Variants in DOCK3 observed in about 807,000 individuals in gnomAD.
The protein encoded by DOCK3 is dedicator of cytokinesis protein 3.
DOCK3 carries 60 observed loss-of-function variants against 265.6 expected under a neutral mutation model. The ratio of observed to expected loss-of-function variants is 0.23; its 90% CI spans 0.18 to 0.28. The LOEUF (loss-of-function observed/expected upper bound fraction) is 0.28, where lower values mean the gene tolerates loss of function less well. Among genes scored for constraint, DOCK3 ranks in the 10% least tolerant of loss-of-function variants. DOCK3 has a pLI of 1.00. For missense variants in DOCK3, 1,981 were observed against 2,594.3 expected (o/e 0.76, Z 5.14); for synonymous variants, 881 against 938.0 (o/e 0.94, Z 1.11).
At chr3:50,870,930 ATTGT>A (rs1243097987) in intron 3 of DOCK3, among the ~76,000 whole-genome samples, 1 of 151,714 alleles carries the variant, frequency 6.6e-6, no homozygotes, top group Non-Finnish European at 1.5e-5. Flanking sequence ...TCAACTTTTT[ATTGT>A]TTCTTTTTAT....
At chr3:50,729,939 C>T (rs2038089624) in intron 1 of DOCK3, among the ~76,000 whole-genome samples, 1 of 151,486 alleles carries the variant, frequency 6.6e-6, no homozygotes, top group South Asian at 2.1e-4. Context: ...CTGCCTCAGC[C>T]TCCCGACTAG....
intron 9 of DOCK3, among the ~76,000 whole-genome samples, chr3:51,110,451 A>G (rs2083467493): frequency 6.6e-6 from 1 of 152,138 alleles, no homozygotes; most frequent in Non-Finnish European, 1.5e-5. Context: ...ATACTAGCAA[A>G]CCAAATCCAA....
intron 5 of DOCK3, among the ~76,000 whole-genome samples, chr3:50,997,902 T>C (rs538208548): frequency 1.3e-5 from 2 of 152,346 alleles, no homozygotes; most frequent in African/African-American, 4.8e-5. Flanking sequence ...GAAAGAGCTT[T>C]TTTATTTTCT....
At chr3:51,079,853 T>A (rs936065917) in intron 7 of DOCK3, among the ~76,000 whole-genome samples, 3 of 152,212 alleles carry the variant, frequency 2.0e-5, no homozygotes, top group African/African-American at 7.2e-5. Flanking sequence ...AATTACATAA[T>A]ATGAGAGTTT....
chr3:51,071,788 C>G (rs569658398), intron 6 of DOCK3, among the ~76,000 whole-genome samples: 12 of 152,266 alleles, frequency 7.9e-5, no homozygotes, highest in African/African-American at 2.6e-4. Flanking sequence ...TCGATGTTCA[C>G]TATTCTTCGA....
At chr3:50,855,583 A>T (rs1286094358) in intron 3 of DOCK3, among the ~76,000 whole-genome samples, 1 of 152,190 alleles carries the variant, frequency 6.6e-6, no homozygotes, top group East Asian at 1.9e-4. Flanking sequence ...AGAATATTTT[A>T]GGGATAGGGT....
intron 3 of DOCK3, among the ~76,000 whole-genome samples, chr3:50,876,085 C>T (rs1376326920): frequency 6.6e-6 from 1 of 151,976 alleles, no homozygotes; most frequent in Non-Finnish European, 1.5e-5. Context: ...CAAGTATTTC[C>T]AGTCTGTTTC....
chr3:50,783,816 G>C (rs2042044646), intron 2 of DOCK3, among the ~76,000 whole-genome samples: 1 of 150,478 alleles, frequency 6.6e-6, no homozygotes, highest in South Asian at 2.1e-4. Context: ...TTACCTTGTA[G>C]AATTTTTATG....
At chr3:50,907,433 G>A (rs1026561818) in intron 4 of DOCK3, among the ~76,000 whole-genome samples, 1 of 152,074 alleles carries the variant, frequency 6.6e-6, no homozygotes, top group Non-Finnish European at 1.5e-5. Flanking sequence ...GAATCTGGTT[G>A]CTCCTGTATT....
intron 49 of DOCK3, among the ~76,000 whole-genome samples, chr3:51,367,683 C>G (rs966556969): frequency 1.3e-5 from 2 of 152,138 alleles, no homozygotes; most frequent in Admixed American, 6.5e-5. Context: ...TAAGGTAGGC[C>G]TGGTGGTGAC....
At chr3:51,149,685 G>A (rs2085482389) in intron 10 of DOCK3, among the ~76,000 whole-genome samples, 1 of 152,192 alleles carries the variant, frequency 6.6e-6, no homozygotes, top group Admixed American at 6.5e-5. Context: ...TCCCAGGGAT[G>A]AAGCCAACTT....
intron 4 of DOCK3, among the ~76,000 whole-genome samples, chr3:50,906,105 G>A (rs2049481131): frequency 6.6e-6 from 1 of 152,068 alleles, no homozygotes; most frequent in Admixed American, 6.6e-5. Context: ...GCATCCCAGA[G>A]ATAAAGCCCA....
At chr3:51,032,537 A>G (rs942991148) in intron 5 of DOCK3, among the ~76,000 whole-genome samples, 1 of 151,904 alleles carries the variant, frequency 6.6e-6, no homozygotes, top group Non-Finnish European at 1.5e-5. Flanking sequence ...TCTTCCAACT[A>G]TTTTCAATCT....
chr3:51,195,538 C>G (rs936902326), intron 12 of DOCK3, among the ~76,000 whole-genome samples: 14 of 152,202 alleles, frequency 9.2e-5, no homozygotes, highest in Non-Finnish European at 1.9e-4. Flanking sequence ...CCACAGCCTC[C>G]CAAGTAGCTG....
At chr3:50,854,592 G>GTTTTTTTTTTTGTT (rs2046497625) in intron 3 of DOCK3, among the ~76,000 whole-genome samples, 2 of 47,214 alleles carry the variant, frequency 4.2e-5, no homozygotes, top group Non-Finnish European at 7.1e-5. Flanking sequence ...CATCACACCA[G>GTTTTTTTTTTTGTT]TTTTTTTTTT....
chr3:50,972,701 T>G (rs1005246321), intron 5 of DOCK3, among the ~76,000 whole-genome samples: 1 of 152,240 alleles, frequency 6.6e-6, no homozygotes, highest in Non-Finnish European at 1.5e-5. Flanking sequence ...TCCAGTGATG[T>G]GGAAACACAA....
In DOCK3 at chr3:51,381,195, G is replaced by A. The variant is rs781974113; in HGVS notation, c.5729G>A (p.Arg1910His). Residue 1910 changes from arginine to histidine, a missense_variant, in exon 53 of 53, where the codon CGC becomes CAC. Arg to His is a conservative substitution (Grantham distance 29, BLOSUM62 0). Coordinates refer to ENST00000266037, the MANE Select transcript of DOCK3 (RefSeq NM_004947.5). The surrounding 1 kb of genome is among the most constrained non-coding windows in gnomAD (Gnocchi z 5.6). Reference protein sequence around the residue: ...NFGHSSEAPPRTDTMDSMPSQ... With the variant: ...NFGHSSEAPPHTDTMDSMPSQ... The stretch of plus-strand genomic sequence containing the variant: ...GGGCACTCCTCGGAGGCCCCACCTC[G>A]CACTGACACCATGGACTCCATGCCA... The A allele has an allele frequency of 2.0e-5, 33 of 1,613,716 alleles. No individual in the cohort carries two copies. Among genetic ancestry groups the A allele is most frequent in the African/African-American group, 2.7e-5 (2 of 74,880 alleles).
At chr3:51,292,763 C>T (rs1261744148) in intron 27 of DOCK3, among the ~76,000 whole-genome samples, 2 of 152,128 alleles carry the variant, frequency 1.3e-5, no homozygotes, top group African/African-American at 4.8e-5. Context: ...GTGCAACCTC[C>T]ACCTCCCAGG....
intron 9 of DOCK3, among the ~76,000 whole-genome samples, chr3:51,125,521 C>G (rs1260541120): frequency 6.6e-6 from 1 of 152,148 alleles, no homozygotes; most frequent in Non-Finnish European, 1.5e-5. Context: ...CAAGCTCTGT[C>G]TTGTGCTGTG....
Sources: gnomAD v4.1 joint callset for allele counts (sites outside exome capture counted in the v4.1 genomes callset) on GRCh38, gnomAD v4.1.1 for gene constraint, Gnocchi (gnomAD v3.1) non-coding constraint, MANE v1.5 for transcripts, NCBI Gene and HGNC (gene_info 2026-07-23, HGNC 2026-07-21) for gene names.